The following HELB variants were observed in gnomAD, a reference collection of about 807,000 sequenced individuals.
HELB encodes the protein DNA 5'-3' helicase B.
In HELB, 96 loss-of-function variants were observed where a neutral mutation model predicts 101.7. The observed-to-expected ratio is 0.94, with a 90% CI of 0.80 to 1.12. The LOEUF (loss-of-function observed/expected upper bound fraction) is 1.12, where lower values mean the gene tolerates loss of function less well. Ranked by LOEUF, HELB falls within the 50% of genes most tolerant of loss-of-function variation. The pLI is 0.00. For synonymous variants in HELB, 437 were observed against 459.7 expected, an observed-to-expected ratio of 0.95 and a Z score of 0.63; for missense variants, 1,210 against 1,291.9, an observed-to-expected ratio of 0.94 and a Z score of 0.97.
chr12:66,312,479 G>A (rs1231439630), intron 4 of HELB, among the ~76,000 whole-genome samples: 11 of 152,212 alleles, frequency 7.2e-5, no homozygotes, highest in Admixed American at 7.2e-4. Flanking sequence ...ACCTAGAGAT[G>A]TTCAGTGTAG....
chr12:66,335,118 T>C (rs1044997946), intron 12 of HELB, among the ~76,000 whole-genome samples: 1 of 152,182 alleles, frequency 6.6e-6, no homozygotes, highest in African/African-American at 2.4e-5. Context: ...AATAAAGCGT[T>C]CTCTTGTGGC....
In HELB at chr12:66,325,051, A is replaced by G; in HGVS notation, c.2595A>G (p.Val865=). The G allele has an allele frequency of 6.2e-7, 1 of 1,613,772 alleles. No homozygotes were observed. The highest frequency in any genetic ancestry group is 1.1e-5 in the South Asian group (1 of 91,060). ...TTAATAATATGGCTGGCCTGGAAGT[A>G]ACTGTGGATTTTAAGAAACTAATGA... ...LTINNMAGLE[V]TVDFKKLMKY... is the part of the protein sequence containing the mutation. The change falls in exon 11 of 13, where the codon GTA becomes GTG. Residue 865 remains valine (V), a synonymous_variant. Transcript: ENST00000247815.
At chr12:66,319,797 C>T (rs925066714) in intron 7 of HELB, among the ~76,000 whole-genome samples, 4 of 151,774 alleles carry the variant, frequency 2.6e-5, no homozygotes, top group Admixed American at 6.6e-5. Context: ...TCTCACTTCC[C>T]GTGGGTTAGT....
chr12:66,309,810 A>G lies in HELB; in HGVS notation c.882A>G (p.Ala294=), dbSNP rs748914213. ...TGATGACTGATTTGGAGAAGAATGC[A>G]TTAATAATGTATTCCAGACTGAAGC... is the stretch of plus-strand genomic sequence containing the variant. ...LQLMTDLEKN[A]LIMYSRLKQI... is the part of the protein sequence containing the mutation. The change falls in exon 4 of 13, where the codon GCA becomes GCG. Residue 294 remains alanine, a synonymous_variant. Transcript: ENST00000247815. The G allele has an allele frequency of 1.9e-6, 3 of 1,614,120 alleles. No homozygotes were observed. Among genetic ancestry groups the G allele is most frequent in the Non-Finnish European group, 2.5e-6 (3 of 1,179,944 alleles).
chr12:66,338,192 T>C lies in HELB; in HGVS notation c.*90T>C. The C allele has an allele frequency of 1.3e-6, 1 of 766,644 alleles. No individual in the cohort carries two copies. The highest frequency in any genetic ancestry group is 2.2e-6 in the Non-Finnish European group (1 of 446,322). The allele number at this position is 766,644 out of a possible 1,614,324, so 47.5% of individuals were successfully genotyped here. On this transcript the variant is annotated 3_prime_UTR_variant, in exon 13 of 13. Transcript: ENST00000247815. The stretch of plus-strand genomic sequence containing the variant: ...TCAAAGTACCAAGATAAAAAAAGTT[T>C]CCTATAACTGGAGTTTTAAGGTATT...
chr12:66,315,914 G>A (rs2053599293), intron 6 of HELB, among the ~76,000 whole-genome samples: 2 of 151,984 alleles, frequency 1.3e-5, no homozygotes, highest in South Asian at 4.1e-4. Flanking sequence ...CAGACATTTG[G>A]TTTCTCCATA....
At chr12:66,329,947 A>G (rs921125657) in intron 11 of HELB, among the ~76,000 whole-genome samples, 1 of 152,218 alleles carries the variant, frequency 6.6e-6, no homozygotes, top group African/African-American at 2.4e-5. Flanking sequence ...AACATCGGAA[A>G]GATGTATTTA....
At chr12:66,328,536 C>T (rs1003357953) in intron 11 of HELB, among the ~76,000 whole-genome samples, 1 of 152,022 alleles carries the variant, frequency 6.6e-6, no homozygotes, top group South Asian at 2.1e-4. Flanking sequence ...CAGAGTGAGA[C>T]CCTCTCTCAA....
intron 7 of HELB, among the ~76,000 whole-genome samples, chr12:66,319,914 C>A (rs1323632029): frequency 7.1e-6 from 1 of 140,092 alleles, no homozygotes; most frequent in Non-Finnish European, 1.6e-5. Context: ...CTTTTTTTTT[C>A]TATTTTTCAT....
Position 66,324,993 on chromosome 12 carries a change from A to G in HELB, c.2537A>G (p.Asp846Gly). 6.2e-7 allele frequency: 1 copy of G among 1,612,476 alleles called. No individual in the cohort carries two copies. Among genetic ancestry groups the G allele is most frequent in the Non-Finnish European group, 8.5e-7 (1 of 1,178,632 alleles). The change falls in exon 11 of 13, where the codon GAT (aspartate) becomes GGT (glycine). Residue 846 changes from aspartate to glycine, a missense_variant. By Grantham distance (94) the Asp-to-Gly change is moderately conservative. This residue lies in a region of HELB where 740 missense variants were observed against 728.8 expected (regional missense o/e 1.02). Coordinates refer to ENST00000247815, the MANE Select transcript of HELB (RefSeq NM_001370285.1). The stretch of plus-strand genomic sequence containing the variant: ...TTGGTTTGGTGACAGGATGTAACTG[A>G]TGTAACTTTTGGAAAGAGAAGATCT... ...EIFFITNDVT[D>G]VTFGKRRSLT... is the part of the protein sequence containing the mutation.
rs113463176 is a variant in HELB, at chr12:66,317,720, C to T, written c.2001-918C>T. 2.8e-3 allele frequency among the ~76,000 whole-genome samples: 428 copies of T among 152,268 alleles called. 5 individuals carry two copies. The highest frequency in any genetic ancestry group is 8.8e-3 in the African/African-American group (367 of 41,554). On this transcript the variant is annotated intron_variant, in intron 6 of 12. Coordinates refer to ENST00000247815, the MANE Select transcript of HELB (RefSeq NM_001370285.1). Reference sequence around the variant, plus strand: ...GGATCCCTGCTATATACCAGGGAAACGGTCCTGGAGATAGAAGGTGCTACA... The same window carrying T: ...GGATCCCTGCTATATACCAGGGAAATGGTCCTGGAGATAGAAGGTGCTACA...
At chr12:66,327,731 C>G (rs913636185) in intron 11 of HELB, among the ~76,000 whole-genome samples, 2 of 152,048 alleles carry the variant, frequency 1.3e-5, no homozygotes, top group Non-Finnish European at 2.9e-5. Flanking sequence ...GACAAAGATT[C>G]TTGCCATTGT....
chr12:66,312,226 G>C (rs1301700485), intron 4 of HELB, among the ~76,000 whole-genome samples: 1 of 152,146 alleles, frequency 6.6e-6, no homozygotes, highest in Non-Finnish European at 1.5e-5. Context: ...GTAGAACTGG[G>C]ACTTGAAATG....
chr12:66,322,815 G>T, intron 9 of HELB, 32 bp downstream of exon 9: 1 of 1,463,270 alleles, frequency 6.8e-7, no homozygotes, highest in Non-Finnish European at 9.4e-7. Flanking sequence ...AACTTTTAAG[G>T]ACAGTCCTTC....
chr12:66,324,912 A>T, intron 10 of HELB, 71 bp from the exon 11 acceptor site: 3 of 1,563,770 alleles, frequency 1.9e-6, no homozygotes, highest in Non-Finnish European at 1.8e-6. Context: ...CAAAGATAGA[A>T]TATCTTTGAA....
chr12:66,324,003 T>G lies in HELB; in HGVS notation c.2318T>G (p.Val773Gly), dbSNP rs774836553. Residue 773 changes from valine to glycine, a missense_variant, in exon 10 of 13, where the codon GTT becomes GGT. Coordinates refer to ENST00000247815, the MANE Select transcript of HELB (RefSeq NM_001370285.1). The part of the protein sequence containing the change: ...HLTKDHQSRL[V>G]FGIGDKICCT... ...CCCAGAGACCATCAGAGTAGACTTG[T>G]TTTTGGAATTGGTGATAAAATTTGT... 1 of 1,609,294 alleles carries G rather than the reference T, an allele frequency of 6.2e-7. No homozygotes were observed. Among genetic ancestry groups the G allele is most frequent in the Non-Finnish European group, 8.5e-7 (1 of 1,175,910 alleles).
intron 11 of HELB, among the ~76,000 whole-genome samples, chr12:66,330,267 C>A (rs1325901180): frequency 3.3e-5 from 5 of 151,964 alleles, no homozygotes; most frequent in Non-Finnish European, 7.4e-5. Context: ...TCTTGCCTAT[C>A]CAATTTTTTG....
At chr12:66,331,698 G>A (rs912889097) in intron 12 of HELB, 53 bp downstream of exon 12, 83 of 1,497,398 alleles carry the variant, frequency 5.5e-5, no homozygotes, top group Middle Eastern at 3.5e-4. Context: ...CGCTAACTTC[G>A]GTGTGCTTAT....
chr12:66,334,788 T>G (rs2053848546), intron 12 of HELB, among the ~76,000 whole-genome samples: 1 of 151,796 alleles, frequency 6.6e-6, no homozygotes, highest in Non-Finnish European at 1.5e-5. Flanking sequence ...CAAAAATAAA[T>G]AAATAAATAA....
Sources: allele counts gnomAD v4.1 joint callset (sites outside exome capture counted in the v4.1 genomes callset), GRCh38; gene constraint gnomAD v4.1.1; regional missense constraint gnomAD v4.1.1; transcripts MANE v1.5; gene names NCBI Gene and HGNC (gene_info 2026-07-23, HGNC 2026-07-21).